NUDT1: variants seen among roughly 807,000 people sequenced by gnomAD.
NUDT1 encodes oxidized purine nucleoside triphosphate hydrolase.
In NUDT1, 16 loss-of-function variants were observed where a neutral mutation model predicts 11.3. The observed-to-expected ratio is 1.41, with a 90% confidence interval of 0.96 to 2.15. The LOEUF (loss-of-function observed/expected upper bound fraction) is 2.15, where lower values mean the gene tolerates loss of function less well. Among genes scored for constraint, NUDT1 ranks in the 30% most tolerant of loss-of-function variants. The pLI is 0.00. For missense variants in NUDT1, 234 were observed against 208.4 expected, an observed-to-expected ratio of 1.12 and a Z score of -0.76; for synonymous variants, 101 against 84.4, an observed-to-expected ratio of 1.20 and a Z score of -1.08.
At position 2,244,704 on chromosome 7, in the gene NUDT1, A is replaced by G. The variant is rs1316718966; in HGVS notation, c.130A>G (p.Thr44Ala). ...GFGGKVQEGE[T>A]IEDGARRELQ... ...TGGGGGCAAAGTGCAAGAAGGAGAG[A>G]CCATCGAGGATGGGGCTAGGAGGTA... Residue 44 changes from threonine (T) to alanine (A), a missense_variant, in exon 2 of 4, where the codon ACC (threonine) becomes GCC (alanine). Thr to Ala is a moderately conservative substitution (Grantham distance 58). Transcript: ENST00000356714. 2 of 1,611,920 alleles carry G rather than the reference A, an allele frequency of 1.2e-6. No individual in the cohort carries two copies. The highest frequency in any genetic ancestry group is 1.7e-5 in the Admixed American group (1 of 59,610).
chr7:2,243,482 G>C (rs796393697), intron 1 of NUDT1, among the ~76,000 whole-genome samples: 7 of 152,336 alleles, frequency 4.6e-5, no homozygotes, highest in African/African-American at 1.7e-4. Flanking sequence ...CCCCAGAAAA[G>C]TTGGTCCTGG....
At position 2,242,235 on chromosome 7, in the gene NUDT1, GC is replaced by G. The variant is rs1172441077; in HGVS notation, c.-29del. 4 of 1,480,520 alleles carry G rather than the reference GC, an allele frequency of 2.7e-6. No individual in the cohort carries two copies. The highest frequency in any genetic ancestry group is 1.5e-5 in the African/African-American group (1 of 68,528). The allele number at this position is 1,480,520 out of a possible 1,614,324, so 91.7% of individuals were successfully genotyped here. ...GGCCTCACTTCCGGTCAGAGGCCACGCCCCCGGAAGCGGCGGTGCAGGTACG... is the reference window on the plus strand; with the variant it reads ...GGCCTCACTTCCGGTCAGAGGCCACGCCCCGGAAGCGGCGGTGCAGGTACG... On this transcript the variant is annotated 5_prime_UTR_variant, in exon 1 of 4. Transcript: ENST00000356714.
chr7:2,249,050 C>T (rs1794876914), intron 2 of NUDT1, among the ~76,000 whole-genome samples: 1 of 152,220 alleles, frequency 6.6e-6, no homozygotes, highest in Non-Finnish European at 1.5e-5. Context: ...CAGCGTTAGA[C>T]TACTTCGGGG....
At chr7:2,250,092 G>C in intron 3 of NUDT1, 90 bp downstream of exon 3, 1 of 1,553,356 alleles carries the variant, frequency 6.4e-7, no homozygotes, top group East Asian at 2.3e-5. Context: ...CCATCTCTGA[G>C]TGCCAGGGAC....
chr7:2,247,458 C>T (rs183783118), intron 2 of NUDT1, among the ~76,000 whole-genome samples: 3 of 152,272 alleles, frequency 2.0e-5, no homozygotes, highest in African/African-American at 4.8e-5. Flanking sequence ...TTCAGGCGCA[C>T]AGTGTGAGCC....
chr7:2,249,452 A>C, intron 2 of NUDT1: 1 of 265,430 alleles, frequency 3.8e-6, no homozygotes, highest in South Asian at 4.2e-5. Flanking sequence ...GCCGCGGAAA[A>C]GCAAGTAACC....
intron 3 of NUDT1, 26 bp downstream of exon 3, chr7:2,250,028 C>A: frequency 6.2e-7 from 1 of 1,613,044 alleles, no homozygotes; most frequent in Non-Finnish European, 8.5e-7. Context: ...CCTGCTCCCC[C>A]TCCCCACTAT....
In NUDT1 at chr7:2,251,048, G is replaced by C; in HGVS notation, c.*47G>C. 1 of 1,598,908 alleles carries C rather than the reference G, an allele frequency of 6.3e-7. No homozygotes were observed. Among genetic ancestry groups the C allele is most frequent in the Non-Finnish European group, 8.6e-7 (1 of 1,167,874 alleles). On this transcript the variant is annotated 3_prime_UTR_variant, in exon 4 of 4. Transcript: ENST00000356714. ...GGGCAGGAGACGTGGCTGCTGAACA[G>C]CCGCAAACCATCTTCACCTGGGGGC...
At chr7:2,243,814 C>T (rs370847592) in intron 1 of NUDT1, among the ~76,000 whole-genome samples, 1 of 152,248 alleles carries the variant, frequency 6.6e-6, no homozygotes, top group East Asian at 1.9e-4. Context: ...TCCAGCATTT[C>T]TCCAGGGTCC....
intron 2 of NUDT1, among the ~76,000 whole-genome samples, chr7:2,248,648 C>T (rs917044944): frequency 1.3e-5 from 2 of 150,432 alleles, no homozygotes; most frequent in Non-Finnish European, 2.9e-5. Flanking sequence ...AACTCCTGGG[C>T]TCAAGCATTC....
chr7:2,250,979 T>G lies in NUDT1; in HGVS notation c.449T>G (p.Leu150Arg). 1 of 1,613,762 alleles carries G rather than the reference T, an allele frequency of 6.2e-7. No homozygotes were observed. The highest frequency in any genetic ancestry group is 8.5e-7 in the Non-Finnish European group (1 of 1,179,896). The change falls in exon 4 of 4, where the codon CTC (leucine) becomes CGC (arginine). Residue 150 changes from leucine (L) to arginine (R), a missense_variant. Coordinates refer to ENST00000356714, the MANE Select transcript of NUDT1 (RefSeq NM_002452.4). Reference protein sequence around the residue: ...QGQDTILDYTLREVDTV With the variant: ...QGQDTILDYTRREVDTV ...CAGGACACCATCCTGGACTACACACTCCGCGAGGTGGACACGGTCTAGCGG... is the reference window on the plus strand; with the variant it reads ...CAGGACACCATCCTGGACTACACACGCCGCGAGGTGGACACGGTCTAGCGG...
intron 2 of NUDT1, chr7:2,248,259 G>C (rs1176357392): frequency 6.6e-6 from 1 of 152,260 alleles, no homozygotes; most frequent in African/African-American, 2.4e-5. Context: ...CCCAGCGGCT[G>C]CAGCCCGTGC....
intron 2 of NUDT1, among the ~76,000 whole-genome samples, chr7:2,245,391 G>C (rs1188031944): frequency 6.6e-6 from 1 of 152,170 alleles, no homozygotes; most frequent in Admixed American, 6.5e-5. Context: ...AGAGTAAAGA[G>C]GGTCCTGGCA....
intron 2 of NUDT1, among the ~76,000 whole-genome samples, chr7:2,245,524 G>A (rs909265288): frequency 2.6e-5 from 4 of 152,196 alleles, no homozygotes; most frequent in Non-Finnish European, 5.9e-5. Flanking sequence ...TACAGCTAAA[G>A]TAAGTTGCAG....
intron 1 of NUDT1, chr7:2,242,692 G>C: frequency 2.4e-6 from 1 of 417,046 alleles, no homozygotes; most frequent in Non-Finnish European, 4.3e-6. Flanking sequence ...TGAGGATGTG[G>C]CTCACTTCTT....
intron 3 of NUDT1, among the ~76,000 whole-genome samples, 158 bp downstream of exon 3, chr7:2,250,160 G>A (rs1794931066): frequency 6.6e-6 from 1 of 152,234 alleles, no homozygotes; most frequent in Non-Finnish European, 1.5e-5. Context: ...ATGAGCCGTG[G>A]TCTCTGCACC....
chr7:2,242,758 C>G, intron 1 of NUDT1: 1 of 485,496 alleles, frequency 2.1e-6, no homozygotes, highest in Non-Finnish European at 3.7e-6. Context: ...GGCTGAGGGG[C>G]TCCCACCCCA....
chr7:2,244,566 C>G lies in NUDT1; in HGVS notation c.-9C>G. On this transcript the variant is annotated 5_prime_UTR_variant, in exon 2 of 4. Transcript: ENST00000356714. ...TGCCCTCTCACCTTCCTTTCAGAAC[C>G]CAGGGACCATGGGCGCCTCCAGGCT... The G allele has an allele frequency of 6.4e-7, 1 of 1,563,630 alleles. No homozygotes were observed. The highest frequency in any genetic ancestry group is 8.7e-7 in the Non-Finnish European group (1 of 1,153,096).
intron 1 of NUDT1, chr7:2,242,978 G>A: frequency 1.4e-6 from 1 of 716,480 alleles, no homozygotes; most frequent in Non-Finnish European, 2.6e-6. Context: ...CTTGGAGAGT[G>A]AGTGCAAGGT....
Sources: allele counts gnomAD v4.1 joint callset (sites outside exome capture counted in the v4.1 genomes callset), GRCh38; gene constraint gnomAD v4.1.1; transcripts MANE v1.5; gene names NCBI Gene and HGNC (gene_info 2026-07-23, HGNC 2026-07-21).